Variants in COL22A1 observed in about 807,000 individuals in gnomAD.
COL22A1 encodes collagen alpha-1(XXII) chain.
In COL22A1, 221 loss-of-function variants were observed where a neutral mutation model predicts 248.9. The observed-to-expected ratio is 0.89, with a 90% CI of 0.80 to 0.99. The LOEUF (loss-of-function observed/expected upper bound fraction) is 0.99. COL22A1 is among the 50% of genes least tolerant of loss of function. The pLI, the probability that COL22A1 is intolerant of heterozygous loss-of-function variation, is 0.00. For missense variants in COL22A1, 2,240 were observed against 2,179.0 expected, an observed-to-expected ratio of 1.03 and a Z score of -0.56; for synonymous variants, 891 against 793.4, an observed-to-expected ratio of 1.12 and a Z score of -2.07.
intron 4 of COL22A1, among the ~76,000 whole-genome samples, chr8:138,840,534 TAC>T (rs34512818): frequency 8.7e-4 from 130 of 148,734 alleles, no homozygotes; most frequent in East Asian, 1.6e-3. Flanking sequence ...CATGTGTGAG[TAC>T]ACACACACAC....
At chr8:138,742,375 G>GGTGCT (rs1831669783) in intron 22 of COL22A1, among the ~76,000 whole-genome samples, 2 of 152,168 alleles carry the variant, frequency 1.3e-5, no homozygotes, top group Admixed American at 1.3e-4. Context: ...TGATGGTGAT[G>GGTGCT]ATGATGGTAG....
chr8:138,738,021 TCA>T (rs1442858486), intron 22 of COL22A1, among the ~76,000 whole-genome samples: 1 of 152,088 alleles, frequency 6.6e-6, no homozygotes, highest in Non-Finnish European at 1.5e-5. Flanking sequence ...CCCCGTTTCT[TCA>T]CAGACTTCAG....
intron 22 of COL22A1, among the ~76,000 whole-genome samples, chr8:138,737,990 C>G (rs1468301780): frequency 2.0e-5 from 3 of 151,942 alleles, no homozygotes; most frequent in Non-Finnish European, 4.4e-5. Flanking sequence ...GCACACACAC[C>G]AACACACACA....
At chr8:138,842,955 T>C (rs1820995287) in intron 4 of COL22A1, among the ~76,000 whole-genome samples, 1 of 152,126 alleles carries the variant, frequency 6.6e-6, no homozygotes, top group South Asian at 2.1e-4. Flanking sequence ...AGAAAGCAGC[T>C]GATAGAGTAT....
At chr8:138,739,316 G>T (rs770756908) in intron 22 of COL22A1, among the ~76,000 whole-genome samples, 35 of 152,062 alleles carry the variant, frequency 2.3e-4, no homozygotes, top group Non-Finnish European at 5.9e-5. Flanking sequence ...CAAACTGAAG[G>T]TCTGTCCACT....
At chr8:138,785,976 G>C (rs1815483645) in intron 12 of COL22A1, among the ~76,000 whole-genome samples, 1 of 152,184 alleles carries the variant, frequency 6.6e-6, no homozygotes, top group South Asian at 2.1e-4. Context: ...GGGTGTGGTA[G>C]AGAGGTAATG....
chr8:138,877,677 G>A lies in COL22A1; in HGVS notation c.658+73C>T, dbSNP rs564854460. The A allele has an allele frequency of 5.2e-5, 74 of 1,431,996 alleles. No homozygotes were observed. The South Asian group carries it at 9.9e-4, about 19-fold the overall frequency. 88.7% of individuals were successfully genotyped at this position (1,431,996 alleles called of 1,614,324 possible). On this transcript the variant is annotated intron_variant, in intron 3 of 64. Transcript: ENST00000303045. ...CCGGCCGTAGGATCCCTATCTGCCC[G>A]AGGACCCCTCCCGTGGGCTCAGCAG...
chr8:138,763,255 C>T (rs1190615428), intron 16 of COL22A1, among the ~76,000 whole-genome samples: 1 of 151,962 alleles, frequency 6.6e-6, no homozygotes, highest in Non-Finnish European at 1.5e-5. Context: ...GGTGTGGTGG[C>T]GTGTGCCTGT....
At chr8:138,663,151 G>A (rs1248454734) in intron 42 of COL22A1, among the ~76,000 whole-genome samples, 2 of 152,058 alleles carry the variant, frequency 1.3e-5, no homozygotes, top group Non-Finnish European at 2.9e-5. Flanking sequence ...ATTTCCCCTG[G>A]GGTGAATTTA....
intron 22 of COL22A1, among the ~76,000 whole-genome samples, chr8:138,750,221 G>A (rs112312397): frequency 0.082 from 12,446 of 152,132 alleles, 951 homozygotes; most frequent in African/African-American, 0.21. Context: ...GCCCAGTCTC[G>A]GGTATGTGTT....
chr8:138,681,908 C>T (rs1825992524), intron 39 of COL22A1, among the ~76,000 whole-genome samples: 1 of 152,190 alleles, frequency 6.6e-6, no homozygotes, highest in Non-Finnish European at 1.5e-5. Flanking sequence ...CATTGGTCTA[C>T]ATTGACCAAA....
chr8:138,638,456 A>G (rs1821385950), intron 47 of COL22A1, among the ~76,000 whole-genome samples: 2 of 152,072 alleles, frequency 1.3e-5, no homozygotes, highest in Non-Finnish European at 2.9e-5. Flanking sequence ...CCAGTGCCCC[A>G]CAGTTCTCTC....
chr8:138,901,369 G>GTT lies in COL22A1; in HGVS notation c.-73+12248_-73+12249dup, dbSNP rs1396582556. On this transcript the variant is annotated intron_variant, in intron 1 of 64. Coordinates refer to ENST00000303045, the MANE Select transcript of COL22A1 (RefSeq NM_152888.3). Reference sequence around the variant, plus strand: ...CTCATTACTGGCAGGTTTTTTTTTTGTTTTTTTTTTTTTTTGAGACAGTCT... The same window carrying GTT: ...CTCATTACTGGCAGGTTTTTTTTTTGTTTTTTTTTTTTTTTTTGAGACAGTCT... Among the ~76,000 whole-genome samples, 314 of 118,738 alleles carry GTT rather than the reference G, an allele frequency of 2.6e-3. 8 individuals are homozygous for GTT. The highest frequency in any genetic ancestry group is 9.1e-3 in the African/African-American group (296 of 32,414). The allele number at this position is 118,738 out of a possible 152,430, so 77.9% of individuals were successfully genotyped here.
chr8:138,745,615 G>T (rs952880413), intron 22 of COL22A1, among the ~76,000 whole-genome samples: 1 of 152,026 alleles, frequency 6.6e-6, no homozygotes, highest in African/African-American at 2.4e-5. Context: ...TTCTATTAAA[G>T]AAAACAAAAA....
intron 1 of COL22A1, among the ~76,000 whole-genome samples, chr8:138,894,220 C>A (rs1006395845): frequency 6.6e-6 from 1 of 152,180 alleles, no homozygotes; most frequent in Admixed American, 6.5e-5. Context: ...TGGATAGCCC[C>A]TGGGGCCAGT....
chr8:138,768,103 G>A (rs188484934), intron 16 of COL22A1, among the ~76,000 whole-genome samples: 82 of 152,232 alleles, frequency 5.4e-4, no homozygotes, highest in Non-Finnish European at 9.6e-4. Context: ...CAGCCTCCTG[G>A]CCCTCCGCCT....
intron 18 of COL22A1, among the ~76,000 whole-genome samples, chr8:138,757,304 CTATGTGTGTGTG>C (rs1486659577): frequency 3.3e-5 from 1 of 30,562 alleles, no homozygotes. Context: ...CTGAGCTATA[CTATGTGTGTGTG>C]TATGTGTGTG....
At chr8:138,685,131 G>C in intron 38 of COL22A1, 77 bp downstream of exon 38, 1 of 1,032,648 alleles carries the variant, frequency 9.7e-7, no homozygotes, top group Non-Finnish European at 1.5e-6. Flanking sequence ...AAGTTTGGCA[G>C]TTAGATTTTT....
At chr8:138,776,937 T>C (rs1285286280) in intron 15 of COL22A1, among the ~76,000 whole-genome samples, 1 of 152,192 alleles carries the variant, frequency 6.6e-6, no homozygotes, top group East Asian at 1.9e-4. Context: ...GGCCTGGCAG[T>C]GCATGTGCCT....
Sources: allele counts gnomAD v4.1 joint callset (sites outside exome capture counted in the v4.1 genomes callset), GRCh38; gene constraint gnomAD v4.1.1; transcripts MANE v1.5; gene names NCBI Gene and HGNC (gene_info 2026-07-23, HGNC 2026-07-21).